Variants in CSMD1 observed in about 807,000 individuals in gnomAD.
CSMD1 encodes CUB and sushi domain-containing protein 1.
In CSMD1, 213 loss-of-function variants were observed where a neutral mutation model predicts 417.5. The ratio of observed to expected loss-of-function variants is 0.51; its 90% CI spans 0.46 to 0.57. The LOEUF (loss-of-function observed/expected upper bound fraction) is 0.57, where lower values mean the gene tolerates loss of function less well. CSMD1 is among the 20% of genes least tolerant of loss of function. The pLI is 0.00. For synonymous variants in CSMD1, 2,862 were observed against 1,736.8 expected, an observed-to-expected ratio of 1.65 and a Z score of -16.11; for missense variants, 6,923 against 4,529.7, an observed-to-expected ratio of 1.53 and a Z score of -15.17.
chr8:3,463,448 C>T (rs916744224), intron 12 of CSMD1, among the ~76,000 whole-genome samples: 5 of 152,210 alleles, frequency 3.3e-5, no homozygotes. Flanking sequence ...ATTCCCACAA[C>T]ATGTAAACAA....
At chr8:3,540,914 C>G (rs928929737) in intron 10 of CSMD1, among the ~76,000 whole-genome samples, 5 of 152,202 alleles carry the variant, frequency 3.3e-5, no homozygotes, top group African/African-American at 1.2e-4. Context: ...AACAGAAACT[C>G]TTTTACACTG....
intron 3 of CSMD1, among the ~76,000 whole-genome samples, chr8:4,215,711 C>T (rs1379429330): frequency 6.6e-6 from 1 of 152,042 alleles, no homozygotes; most frequent in East Asian, 1.9e-4. Context: ...CTTTAAAACT[C>T]AAATGTACAT....
At chr8:4,013,368 G>A (rs368471082) in intron 4 of CSMD1, among the ~76,000 whole-genome samples, 2 of 152,138 alleles carry the variant, frequency 1.3e-5, no homozygotes, top group African/African-American at 2.4e-5. Flanking sequence ...CCCTCTGTCA[G>A]AACCACATTT....
At position 4,064,354 on chromosome 8, in the gene CSMD1, G is replaced by A. The variant is rs567561742; in HGVS notation, c.416-32255C>T. On this transcript the variant is annotated intron_variant, in intron 3 of 69. Transcript: ENST00000635120. ...AGTCACCTGCTCTCTTTCACAAATTGTATCTCTGTTTAGGGTTTTCTGCAG... is the reference window on the plus strand; with the variant it reads ...AGTCACCTGCTCTCTTTCACAAATTATATCTCTGTTTAGGGTTTTCTGCAG... Among the ~76,000 whole-genome samples, 32 of 152,258 alleles carry A rather than the reference G, an allele frequency of 2.1e-4. No homozygotes were observed. In the South Asian group the frequency reaches 4.4e-3, roughly 21 times the overall value.
chr8:4,120,122 T>C (rs1802397669), intron 3 of CSMD1, among the ~76,000 whole-genome samples: 1 of 152,172 alleles, frequency 6.6e-6, no homozygotes, highest in African/African-American at 2.4e-5. Flanking sequence ...ATCCATGATG[T>C]GAATACTACA....
intron 1 of CSMD1, among the ~76,000 whole-genome samples, chr8:4,836,855 G>T (rs1182202185): frequency 1.3e-5 from 2 of 152,072 alleles, no homozygotes; most frequent in Non-Finnish European, 2.9e-5. Flanking sequence ...TGTCTCCAAA[G>T]AAATGAGCCC....
At chr8:3,188,737 G>T (rs1175020062) in intron 35 of CSMD1, 150 bp downstream of exon 35, 7 of 521,372 alleles carry the variant, frequency 1.3e-5, no homozygotes, top group Non-Finnish European at 2.1e-5. Context: ...ACAGAGTATA[G>T]TCTATGTATT....
Position 3,231,009 on chromosome 8 carries a change from G to A in CSMD1, c.4154-778C>T, listed in dbSNP as rs550242339. ...ATCATGTGTAAAGTGCATTGCAAAC[G>A]GCGAGCCTAAAATCACCTCCCATAT... On this transcript the variant is annotated intron_variant, in intron 26 of 69. Transcript: ENST00000635120. Among the ~76,000 whole-genome samples the A allele has an allele frequency of 2.8e-3, 422 of 152,084 alleles. 1 individual carries two copies. Among genetic ancestry groups the A allele is most frequent in the African/African-American group, 9.6e-3 (399 of 41,484 alleles).
chr8:3,881,032 A>G (rs897401673), intron 5 of CSMD1, among the ~76,000 whole-genome samples: 3 of 152,164 alleles, frequency 2.0e-5, no homozygotes, highest in Non-Finnish European at 4.4e-5. Flanking sequence ...CAATATCAAT[A>G]AAGCCTCAAC....
intron 21 of CSMD1, 60 bp from the exon 22 acceptor site, chr8:3,348,221 G>C: frequency 4.5e-6 from 6 of 1,342,920 alleles, no homozygotes; most frequent in East Asian, 4.8e-5. Context: ...GTTTTTAACA[G>C]ATTAAAAACT....
chr8:3,152,921 G>T (rs999823335), intron 39 of CSMD1, among the ~76,000 whole-genome samples: 14 of 152,168 alleles, frequency 9.2e-5, no homozygotes, highest in African/African-American at 3.4e-4. Context: ...CGTGGGACCT[G>T]CAGTGACAGT....
chr8:4,347,037 C>G (rs780092514), intron 3 of CSMD1, among the ~76,000 whole-genome samples: 1 of 152,104 alleles, frequency 6.6e-6, no homozygotes, highest in Non-Finnish European at 1.5e-5. Context: ...TTATTATTTC[C>G]TCTAATTATC....
At chr8:4,011,568 G>C (rs142614055) in intron 4 of CSMD1, among the ~76,000 whole-genome samples, 1 of 152,128 alleles carries the variant, frequency 6.6e-6, no homozygotes, top group Non-Finnish European at 1.5e-5. Flanking sequence ...AGAAATCCAA[G>C]AGTCAGTTCC....
chr8:3,609,393 T>C (rs554915842), intron 8 of CSMD1, among the ~76,000 whole-genome samples: 6 of 152,240 alleles, frequency 3.9e-5, no homozygotes, highest in Non-Finnish European at 7.3e-5. Flanking sequence ...CAGTGGTCTA[T>C]GGTGAAAAAT....
At chr8:4,183,634 G>A (rs1291844837) in intron 3 of CSMD1, among the ~76,000 whole-genome samples, 4 of 152,092 alleles carry the variant, frequency 2.6e-5, no homozygotes, top group South Asian at 2.1e-4. Flanking sequence ...AAATTGATAA[G>A]CACAATTTTA....
At chr8:3,116,227 A>G (rs986760372) in intron 42 of CSMD1, among the ~76,000 whole-genome samples, 7 of 152,148 alleles carry the variant, frequency 4.6e-5, no homozygotes, top group Non-Finnish European at 8.8e-5. Flanking sequence ...AGGTCCTCTA[A>G]TTGTTTTCAA....
chr8:3,961,701 T>C (rs747327432), intron 5 of CSMD1, among the ~76,000 whole-genome samples: 3 of 152,188 alleles, frequency 2.0e-5, no homozygotes, highest in Non-Finnish European at 4.4e-5. Flanking sequence ...AAGAAAAAGA[T>C]TGCTGCGATA....
chr8:4,685,707 C>T (rs567849315), intron 1 of CSMD1, among the ~76,000 whole-genome samples: 7 of 152,176 alleles, frequency 4.6e-5, no homozygotes, highest in African/African-American at 9.6e-5. Flanking sequence ...GGAAGTGAAA[C>T]GGTAAAATAA....
At chr8:3,041,424 A>C (rs963131172) in intron 50 of CSMD1, among the ~76,000 whole-genome samples, 1 of 152,208 alleles carries the variant, frequency 6.6e-6, no homozygotes, top group Non-Finnish European at 1.5e-5. Context: ...AAAAGGCGCT[A>C]ACATGAAAAT....
Sources: gnomAD v4.1 joint callset for allele counts (sites outside exome capture counted in the v4.1 genomes callset) on GRCh38, gnomAD v4.1.1 for gene constraint, MANE v1.5 for transcripts, NCBI Gene and HGNC (gene_info 2026-07-23, HGNC 2026-07-21) for gene names.